Variants in PRKG1 observed in about 807,000 individuals in gnomAD.
PRKG1 encodes cGMP-dependent protein kinase 1.
PRKG1 carries 35 observed loss-of-function variants against 88.1 expected under a neutral mutation model. The observed-to-expected ratio is 0.40, with a 90% CI of 0.30 to 0.53. The LOEUF is 0.53. PRKG1 is among the 20% of genes least tolerant of loss of function. The pLI is 0.59. For missense variants in PRKG1, 540 were observed against 839.8 expected (o/e 0.64, Z 4.41); for synonymous variants, 303 against 292.5 (o/e 1.04, Z -0.37).
At chr10:51,619,015 A>G (rs1415861046) in intron 3 of PRKG1, among the ~76,000 whole-genome samples, 1 of 149,648 alleles carries the variant, frequency 6.7e-6, no homozygotes, top group Non-Finnish European at 1.5e-5. Flanking sequence ...GACCTCAAGC[A>G]ATCCACCTGC....
chr10:51,940,929 C>T (rs1842893750), intron 5 of PRKG1, among the ~76,000 whole-genome samples: 1 of 151,898 alleles, frequency 6.6e-6, no homozygotes, highest in Non-Finnish European at 1.5e-5. Context: ...TTTTACTTCT[C>T]AATATCCAAG....
intron 2 of PRKG1, among the ~76,000 whole-genome samples, chr10:51,419,949 A>G (rs866498812): frequency 2.6e-5 from 4 of 152,148 alleles, no homozygotes; most frequent in Non-Finnish European, 5.9e-5. Context: ...ATGCTTGTTC[A>G]TACCCAGGCA....
At chr10:51,829,653 A>C (rs1459894250) in intron 4 of PRKG1, among the ~76,000 whole-genome samples, 2 of 152,154 alleles carry the variant, frequency 1.3e-5, no homozygotes, top group Non-Finnish European at 2.9e-5. Flanking sequence ...ATGACATCTT[A>C]TTTTCTAAAT....
intron 3 of PRKG1, among the ~76,000 whole-genome samples, chr10:51,654,475 T>C (rs925899003): frequency 1.3e-5 from 2 of 152,174 alleles, no homozygotes; most frequent in Admixed American, 6.5e-5. Context: ...TTCAGCTTAG[T>C]GCATTTTGCT....
intron 17 of PRKG1, among the ~76,000 whole-genome samples, chr10:52,293,250 T>C: frequency 6.6e-6 from 1 of 151,570 alleles, no homozygotes; most frequent in South Asian, 2.1e-4. Flanking sequence ...CACTGCTCAA[T>C]GAAATAAAAG....
intron 2 of PRKG1, among the ~76,000 whole-genome samples, chr10:51,463,310 C>T (rs1839794845): frequency 6.6e-6 from 1 of 152,078 alleles, no homozygotes; most frequent in Non-Finnish European, 1.5e-5. Flanking sequence ...AACCTCCAAA[C>T]TGAGCTGTTT....
intron 16 of PRKG1, among the ~76,000 whole-genome samples, chr10:52,289,566 C>G (rs1240898493): frequency 6.6e-6 from 1 of 152,068 alleles, no homozygotes; most frequent in Non-Finnish European, 1.5e-5. Flanking sequence ...AACATGTTTA[C>G]TAAAATATCT....
At chr10:51,489,344 T>G (rs1840642246) in intron 3 of PRKG1, among the ~76,000 whole-genome samples, 2 of 152,068 alleles carry the variant, frequency 1.3e-5, no homozygotes, top group Non-Finnish European at 2.9e-5. Flanking sequence ...AAGAACAGAA[T>G]GAATTTTGGG....
At chr10:51,777,866 A>T (rs115627743) in intron 3 of PRKG1, among the ~76,000 whole-genome samples, 146 of 152,296 alleles carry the variant, frequency 9.6e-4, no homozygotes, top group African/African-American at 3.3e-3. Flanking sequence ...TATAGTACAT[A>T]GCCTTTTCAG....
At chr10:51,527,608 T>A (rs1419712839) in intron 3 of PRKG1, among the ~76,000 whole-genome samples, 2 of 152,210 alleles carry the variant, frequency 1.3e-5, no homozygotes, top group African/African-American at 2.4e-5. Context: ...TATCTTATCG[T>A]TCAGCAAAAC....
At chr10:52,117,613 C>A (rs928401049) in intron 7 of PRKG1, among the ~76,000 whole-genome samples, 3 of 151,926 alleles carry the variant, frequency 2.0e-5, no homozygotes, top group Non-Finnish European at 4.4e-5. Context: ...GAGTTAATTT[C>A]TATTATTTTG....
chr10:51,901,035 G>T (rs369632795), intron 4 of PRKG1, among the ~76,000 whole-genome samples: 8 of 152,216 alleles, frequency 5.3e-5, no homozygotes, highest in East Asian at 3.9e-4. Context: ...TATGGTGAGT[G>T]TGTGGTGAAT....
chr10:51,853,202 GT>G (rs1240629596), intron 4 of PRKG1, among the ~76,000 whole-genome samples: 4 of 152,090 alleles, frequency 2.6e-5, no homozygotes, highest in African/African-American at 9.7e-5. Context: ...CAGTACTGAC[GT>G]GATGTTTTAG....
chr10:51,610,046 T>C (rs2132242296), intron 3 of PRKG1, among the ~76,000 whole-genome samples: 1 of 152,328 alleles, frequency 6.6e-6, no homozygotes. Context: ...TGGGTACATG[T>C]GAAATTTTGC....
chr10:51,907,531 T>C lies in PRKG1; in HGVS notation c.723T>C (p.Pro241=), dbSNP rs540961595. ...GCGTTCCAACATTCCAGAGCCTTCC[T>C]GAAGAGATCCTCAGCAAGCTTGCTG... The part of the protein sequence containing the change: ...LKSVPTFQSL[P]EEILSKLADV... The change falls in exon 5 of 18, where the codon CCT becomes CCC. Residue 241 remains proline (P), a synonymous_variant. Coordinates refer to ENST00000373980, the MANE Select transcript of PRKG1 (RefSeq NM_006258.4). 3 of 1,613,678 alleles carry C rather than the reference T, an allele frequency of 1.9e-6. No individual in the cohort carries two copies. The highest frequency in any genetic ancestry group is 2.2e-5 in the South Asian group (2 of 91,006).
At chr10:51,469,567 C>T (rs551290860) in intron 3 of PRKG1, among the ~76,000 whole-genome samples, 1 of 151,956 alleles carries the variant, frequency 6.6e-6, no homozygotes. Flanking sequence ...TGTTCGTCTG[C>T]ACTAACATCT....
intron 2 of PRKG1, among the ~76,000 whole-genome samples, chr10:51,396,515 A>G (rs1837581562): frequency 6.6e-6 from 1 of 152,238 alleles, no homozygotes; most frequent in Non-Finnish European, 1.5e-5. Context: ...GTTGCCCTGG[A>G]CAATGAAAAG....
At chr10:51,219,567 G>A (rs990507167) in intron 2 of PRKG1, among the ~76,000 whole-genome samples, 19 of 151,720 alleles carry the variant, frequency 1.3e-4, no homozygotes, top group African/African-American at 3.2e-4. Context: ...AAAATTACCC[G>A]GGTGTGGTGG....
chr10:51,914,690 A>G (rs978128543), intron 5 of PRKG1, among the ~76,000 whole-genome samples: 1 of 152,182 alleles, frequency 6.6e-6, no homozygotes, highest in Non-Finnish European at 1.5e-5. Flanking sequence ...CTAACTTTTT[A>G]AGAACTCTCT....
Sources: gnomAD v4.1 joint callset for allele counts (sites outside exome capture counted in the v4.1 genomes callset) on GRCh38, gnomAD v4.1.1 for gene constraint, MANE v1.5 for transcripts, NCBI Gene and HGNC (gene_info 2026-07-23, HGNC 2026-07-21) for gene names.